Variants in ITPRID1 observed in about 807,000 individuals in gnomAD.
The protein encoded by ITPRID1 is protein ITPRID1.
In ITPRID1, 96 loss-of-function variants were observed where a neutral mutation model predicts 95.4. The ratio of observed to expected loss-of-function variants is 1.01; its 90% CI spans 0.85 to 1.19. ITPRID1 has a LOEUF of 1.19. ITPRID1 is among the 50% of genes most tolerant of loss of function. ITPRID1 has a pLI of 0.00. For missense variants in ITPRID1, 1,339 were observed against 1,252.9 expected, an observed-to-expected ratio of 1.07 and a Z score of -1.04; for synonymous variants, 510 against 453.6, an observed-to-expected ratio of 1.12 and a Z score of -1.58.
At chr7:31,611,479 A>G (rs920495517) in intron 10 of ITPRID1, among the ~76,000 whole-genome samples, 1 of 151,710 alleles carries the variant, frequency 6.6e-6, no homozygotes, top group Non-Finnish European at 1.5e-5. Flanking sequence ...TTTCACTCCC[A>G]CCTGAAGGAC....
intron 1 of ITPRID1, among the ~76,000 whole-genome samples, chr7:31,539,534 C>T (rs1007772744): frequency 2.0e-5 from 3 of 152,172 alleles, no homozygotes; most frequent in African/African-American, 7.2e-5. Context: ...ACTGATAGAT[C>T]ATACGTTAAA....
At chr7:31,657,052 C>T (rs1791336681), downstream of ITPRID1, among the ~76,000 whole-genome samples, 1 of 70,224 alleles carries the variant, frequency 1.4e-5, no homozygotes, top group African/African-American at 5.4e-5. Context: ...CACACACACA[C>T]ACGCACTATA....
intron 10 of ITPRID1, among the ~76,000 whole-genome samples, chr7:31,615,112 A>G (rs181031226): frequency 1.3e-5 from 2 of 152,244 alleles, no homozygotes; most frequent in Non-Finnish European, 2.9e-5. Flanking sequence ...CAAAATTCTA[A>G]AAGTTATATA....
intron 10 of ITPRID1, among the ~76,000 whole-genome samples, chr7:31,609,557 C>T (rs902348636): frequency 6.6e-6 from 1 of 151,594 alleles, no homozygotes; most frequent in East Asian, 1.9e-4. Flanking sequence ...AGAAATGTAT[C>T]CATCTCACCA....
At chr7:31,548,695 A>C (rs1257614328) in intron 1 of ITPRID1, among the ~76,000 whole-genome samples, 4 of 152,144 alleles carry the variant, frequency 2.6e-5, no homozygotes, top group Non-Finnish European at 5.9e-5. Flanking sequence ...TCCTGTGGTC[A>C]TCCAGGGGAA....
chr7:31,598,398 C>CTTTTT (rs869161999), intron 10 of ITPRID1, among the ~76,000 whole-genome samples: 27 of 106,836 alleles, frequency 2.5e-4, no homozygotes, highest in African/African-American at 4.0e-4. Flanking sequence ...TTTTTTTTTT[C>CTTTTT]TTTTTTTTTT....
chr7:31,620,678 C>A (rs1429167040), intron 10 of ITPRID1, among the ~76,000 whole-genome samples: 1 of 151,518 alleles, frequency 6.6e-6, no homozygotes, highest in Non-Finnish European at 1.5e-5. Context: ...AACAGAAAAA[C>A]TGGAAACTCT....
chr7:31,658,375 G>A, downstream of ITPRID1: 2 of 1,513,094 alleles, frequency 1.3e-6, no homozygotes, highest in Non-Finnish European at 1.8e-6. Flanking sequence ...GAAGACACAA[G>A]ACTCTGGTCT....
rs971338427 is a variant in ITPRID1, at chr7:31,637,974, C to T, written c.1229-4202C>T. 9.2e-5 allele frequency among the ~76,000 whole-genome samples: 14 copies of T among 152,302 alleles called. No individual in the cohort carries two copies. In the South Asian group the frequency reaches 1.2e-3, roughly 14 times the overall value. On this transcript the variant is annotated intron_variant, in intron 10 of 14. Coordinates refer to ENST00000615280, the MANE Select transcript of ITPRID1 (RefSeq NM_001257967.3). ...ACAGATGGCTAGCCAGTTTTCCCAA[C>T]ACCATTTATTAAATAGGGAATCAGG...
rs27331 is a variant in ITPRID1 at position 31,655,221 on chromosome 7, T to C, written c.*2392T>C. Among the ~76,000 whole-genome samples the C allele has an allele frequency of 0.95, 144,251 of 152,230 alleles. 68,558 individuals are homozygous for C. The highest frequency in any genetic ancestry group is 1 in the East Asian group (5,171 of 5,172). ...CTCAGTTCATCTTCCTGATCCTCTC[T>C]GTCAGTGGCACAGCCTTTCTCCTTG... On this transcript the variant is annotated 3_prime_UTR_variant, in exon 15 of 15. Transcript: ENST00000615280.
intron 9 of ITPRID1, among the ~76,000 whole-genome samples, chr7:31,581,895 G>A (rs961877283): frequency 6.6e-6 from 1 of 151,874 alleles, no homozygotes; most frequent in African/African-American, 2.4e-5. Context: ...TAGATTACAA[G>A]TGTAAAGTAA....
intron 10 of ITPRID1, among the ~76,000 whole-genome samples, chr7:31,616,126 C>T (rs1787195373): frequency 1.3e-5 from 2 of 152,102 alleles, no homozygotes; most frequent in South Asian, 4.1e-4. Context: ...AAGGTTCCTA[C>T]TGTACATGCA....
chr7:31,522,095 C>T (rs976938864), intron 1 of ITPRID1, among the ~76,000 whole-genome samples: 1 of 152,044 alleles, frequency 6.6e-6, no homozygotes, highest in African/African-American at 2.4e-5. Context: ...TCTAACTAAG[C>T]ACCTCCAGGG....
intron 3 of ITPRID1, among the ~76,000 whole-genome samples, chr7:31,553,542 G>A (rs879340824): frequency 1.3e-4 from 20 of 152,142 alleles, no homozygotes; most frequent in African/African-American, 4.1e-4. Flanking sequence ...TGATTTGTTG[G>A]ATCCTGCAGG....
chr7:31,652,661 T>C lies in ITPRID1; in HGVS notation c.2967T>C (p.Asp989=). Residue 989 remains aspartate, a synonymous_variant, in exon 15 of 15, where the codon GAT becomes GAC. Transcript: ENST00000615280. ...CGAGGACTGTGTTTCCTCCCGATGA[T>C]GGCCAGGAGGCTCCCTGTTCAGGTG... is the stretch of plus-strand genomic sequence containing the variant. ...MAPRTVFPPD[D]GQEAPCSGGT... is the part of the protein sequence containing the mutation. 1.2e-6 allele frequency: 2 copies of C among 1,613,924 alleles called. No individual in the cohort carries two copies.
At position 31,554,838 on chromosome 7, in the gene ITPRID1, A is replaced by G. The variant is rs774810851; in HGVS notation, c.213-20A>G. ...ATTTACACACATTGTTTGACTCACAATACTTTTGTTTCTTTACAGTGTCTC... is the reference window on the plus strand; with the variant it reads ...ATTTACACACATTGTTTGACTCACAGTACTTTTGTTTCTTTACAGTGTCTC... On this transcript the variant is annotated intron_variant, in intron 4 of 14. Transcript: ENST00000615280. 1.3e-5 allele frequency: 20 copies of G among 1,551,898 alleles called. No individual in the cohort carries two copies. The highest frequency in any genetic ancestry group is 1.8e-6 in the Non-Finnish European group (2 of 1,142,332).
chr7:31,559,254 G>A (rs1784549589), intron 5 of ITPRID1, among the ~76,000 whole-genome samples: 1 of 152,104 alleles, frequency 6.6e-6, no homozygotes, highest in Non-Finnish European at 1.5e-5. Context: ...ACATAGACAA[G>A]TCATTTCAAT....
At position 31,655,685 on chromosome 7, in the gene ITPRID1, T is replaced by C. The variant is rs1791267565; in HGVS notation, c.*2856T>C. On this transcript the variant is annotated 3_prime_UTR_variant, in exon 15 of 15. Transcript: ENST00000615280. ...CATCCCCATCTTGGCTCCTATATCATGGCTCAGCTCCCAGCCAAATTGACT... is the reference window on the plus strand; with the variant it reads ...CATCCCCATCTTGGCTCCTATATCACGGCTCAGCTCCCAGCCAAATTGACT... 1.0e-6 allele frequency: 1 copy of C among 973,922 alleles called. No homozygotes were observed. Among genetic ancestry groups the C allele is most frequent in the Non-Finnish European group, 1.2e-6 (1 of 819,086 alleles). The allele number at this position is 973,922 out of a possible 1,614,324, so 60.3% of individuals were successfully genotyped here.
At chr7:31,535,118 G>C (rs938792459) in intron 1 of ITPRID1, among the ~76,000 whole-genome samples, 30 of 151,994 alleles carry the variant, frequency 2.0e-4, no homozygotes, top group Non-Finnish European at 2.9e-5. Context: ...TATTTAATAT[G>C]AATTAATTTA....
Sources: gnomAD v4.1 joint callset for allele counts (sites outside exome capture counted in the v4.1 genomes callset) on GRCh38, gnomAD v4.1.1 for gene constraint, MANE v1.5 for transcripts, NCBI Gene and HGNC (gene_info 2026-07-23, HGNC 2026-07-21) for gene names.